Variants in GOLGA7B observed in about 807,000 individuals in gnomAD.
GOLGA7B encodes the protein golgin A7 family member B.
Under a neutral mutation model 21.5 loss-of-function variants are expected in GOLGA7B, and 17 were observed. The ratio of observed to expected loss-of-function variants is 0.79; its 90% CI spans 0.54 to 1.19. The LOEUF (loss-of-function observed/expected upper bound fraction) is 1.19, where lower values mean the gene tolerates loss of function less well. Ranked by LOEUF, GOLGA7B falls within the 50% of genes most tolerant of loss-of-function variation. The probability of loss-of-function intolerance (pLI) is 0.00; values close to 1 mark genes in which losing one functional copy is unlikely to be tolerated. For missense variants in GOLGA7B, 169 were observed against 224.4 expected, an observed-to-expected ratio of 0.75 and a Z score of 1.58; for synonymous variants, 87 against 84.0, an observed-to-expected ratio of 1.04 and a Z score of -0.19.
chr10:97,863,502 C>T (rs2049985248), intron 2 of GOLGA7B, among the ~76,000 whole-genome samples: 1 of 152,100 alleles, frequency 6.6e-6, no homozygotes, highest in Admixed American at 6.6e-5. Context: ...ATGGAGAGCC[C>T]CTATGAATCT....
rs1235984403 is a variant in GOLGA7B, at chr10:97,869,898, TCAC to T, written c.*4203_*4205del. The T allele has an allele frequency of 2.0e-5, 3 of 152,256 alleles. No homozygotes were observed. The highest frequency in any genetic ancestry group is 4.4e-5 in the Non-Finnish European group (3 of 68,092). The allele number at this position is 152,256 out of a possible 1,614,324, so 9.4% of individuals were successfully genotyped here. ...ATGAGGGGGGCCCAGACAGGAGGCA[TCAC>T]CACCTGGTTTGGGCTTTACCATTCA... On this transcript the variant is annotated 3_prime_UTR_variant, in exon 5 of 5. Transcript: ENST00000370602.
chr10:97,864,842 C>T (rs796712391), intron 4 of GOLGA7B, among the ~76,000 whole-genome samples: 18 of 152,230 alleles, frequency 1.2e-4, no homozygotes, highest in African/African-American at 3.9e-4. Flanking sequence ...GGGGGTGGGG[C>T]GTGGTTCTGC....
Position 97,869,114 on chromosome 10 carries a change from T to G in GOLGA7B, c.*3414T>G, listed in dbSNP as rs961896926. Reference sequence around the variant, plus strand: ...CAGCCTCAGAGGCCGCTTAACAGCTTGAGGGCCTCAGCCGTCCTGGGATTA... The same window carrying G: ...CAGCCTCAGAGGCCGCTTAACAGCTGGAGGGCCTCAGCCGTCCTGGGATTA... On this transcript the variant is annotated 3_prime_UTR_variant, in exon 5 of 5. Transcript: ENST00000370602. The G allele has an allele frequency of 1.3e-5, 2 of 152,214 alleles. No individual in the cohort carries two copies. Among genetic ancestry groups the G allele is most frequent in the Non-Finnish European group, 2.9e-5 (2 of 68,044 alleles). 9.4% of individuals were successfully genotyped at this position (152,214 alleles called of 1,614,324 possible). A position where few individuals can be genotyped will look rare whatever the true frequency, so the allele number is the denominator to read the frequency against.
At chr10:97,853,233 ACTC>A (rs1398156453) in intron 1 of GOLGA7B, among the ~76,000 whole-genome samples, 1 of 151,690 alleles carries the variant, frequency 6.6e-6, no homozygotes, top group African/African-American at 2.4e-5. Context: ...CATGATCCTC[ACTC>A]CTCCTTCACA....
At chr10:97,859,687 G>T (rs1408647062) in intron 2 of GOLGA7B, 104 bp downstream of exon 2, 1 of 1,219,778 alleles carries the variant, frequency 8.2e-7, no homozygotes, top group Non-Finnish European at 1.1e-6. Context: ...AATATCATAG[G>T]ACACGTAACA....
intron 4 of GOLGA7B, chr10:97,865,144 A>T (rs1282024545): frequency 1.2e-4 from 20 of 165,756 alleles, no homozygotes; most frequent in African/African-American, 4.3e-4. Context: ...CATTTTGCAG[A>T]TGCGATAATG....
intron 1 of GOLGA7B, 69 bp downstream of exon 1, chr10:97,850,384 T>C: frequency 8.3e-7 from 1 of 1,211,594 alleles, no homozygotes; most frequent in Non-Finnish European, 1.1e-6. Flanking sequence ...AGGGGTGGGC[T>C]GGGCAGGAGT....
At position 97,865,805 on chromosome 10, in the gene GOLGA7B, T is replaced by A; in HGVS notation, c.*105T>A. On this transcript the variant is annotated 3_prime_UTR_variant, in exon 5 of 5. Coordinates refer to ENST00000370602, the MANE Select transcript of GOLGA7B (RefSeq NM_001010917.3). The stretch of plus-strand genomic sequence containing the variant: ...CCCGCTTCTGAGTCATTCTTTGGGC[T>A]CACCCTGCTGCCCGGGGTGGGAGGG... The A allele has an allele frequency of 6.9e-5, 33 of 477,344 alleles. No homozygotes were observed. Among genetic ancestry groups the A allele is most frequent in the Non-Finnish European group, 1.0e-4 (28 of 277,824 alleles). 29.6% of individuals were successfully genotyped at this position (477,344 alleles called of 1,614,324 possible).
At position 97,865,867 on chromosome 10, in the gene GOLGA7B, C is replaced by T; in HGVS notation, c.*167C>T. The T allele has an allele frequency of 1.7e-6, 2 of 1,149,388 alleles. No homozygotes were observed. Among genetic ancestry groups the T allele is most frequent in the Non-Finnish European group, 1.2e-6 (1 of 841,406 alleles). 71.2% of individuals were successfully genotyped at this position (1,149,388 alleles called of 1,614,324 possible). A position where few individuals can be genotyped will look rare whatever the true frequency, so the allele number is the denominator to read the frequency against. ...CCTCATATTTCCTGTGGGCCATCAA[C>T]CTATGCCCCCTGTCCCTCACCCCCG... On this transcript the variant is annotated 3_prime_UTR_variant, in exon 5 of 5. Coordinates refer to ENST00000370602, the MANE Select transcript of GOLGA7B (RefSeq NM_001010917.3).
intron 4 of GOLGA7B, 49 bp from the exon 5 acceptor site, chr10:97,865,541 C>T (rs768831216): frequency 1.2e-6 from 2 of 1,603,496 alleles, no homozygotes; most frequent in Non-Finnish European, 8.5e-7. Context: ...TCATGTCCCA[C>T]CCCTGCTCAG....
intron 1 of GOLGA7B, among the ~76,000 whole-genome samples, chr10:97,855,922 T>G (rs2049932381): frequency 6.6e-6 from 1 of 152,210 alleles, no homozygotes; most frequent in Admixed American, 6.5e-5. Flanking sequence ...TCACATTTCG[T>G]ACATACAGCA....
rs1407871479 is a variant in GOLGA7B, at chr10:97,867,594, C to T, written c.*1894C>T. ...AGCCGCAGTTCAGTGGGCTCCACCG[C>T]AGCCCCTGGCCACGGCCTATGCCCT... On this transcript the variant is annotated 3_prime_UTR_variant, in exon 5 of 5. Transcript: ENST00000370602. The T allele has an allele frequency of 3.3e-5, 5 of 152,440 alleles. No individual in the cohort carries two copies. The East Asian group carries it at 7.7e-4, about 23-fold the overall frequency. 9.4% of individuals were successfully genotyped at this position (152,440 alleles called of 1,614,324 possible).
intron 1 of GOLGA7B, among the ~76,000 whole-genome samples, chr10:97,854,287 G>C (rs1188810082): frequency 6.6e-6 from 1 of 152,228 alleles, no homozygotes; most frequent in Non-Finnish European, 1.5e-5. Flanking sequence ...TCCAGTTGAA[G>C]AAATGGAGGT....
At chr10:97,858,190 G>A (rs56016245) in intron 1 of GOLGA7B, among the ~76,000 whole-genome samples, 217 of 152,238 alleles carry the variant, frequency 1.4e-3, no homozygotes, top group African/African-American at 5.0e-3. Context: ...CTCAACACAG[G>A]CTTCAGGAGG....
intron 1 of GOLGA7B, among the ~76,000 whole-genome samples, chr10:97,854,188 A>G (rs1389068941): frequency 1.3e-5 from 2 of 152,208 alleles, no homozygotes; most frequent in Non-Finnish European, 2.9e-5. Flanking sequence ...AGCCCCTGTA[A>G]ACATTTGCAT....
chr10:97,851,408 A>G (rs1241460528), intron 1 of GOLGA7B, among the ~76,000 whole-genome samples: 1 of 152,088 alleles, frequency 6.6e-6, no homozygotes, highest in East Asian at 1.9e-4. Context: ...TCAAGTTTCC[A>G]CCACAGAACA....
At chr10:97,855,133 G>T (rs1377076209) in intron 1 of GOLGA7B, among the ~76,000 whole-genome samples, 1 of 152,180 alleles carries the variant, frequency 6.6e-6, no homozygotes, top group Non-Finnish European at 1.5e-5. Context: ...CTAGCCAGTC[G>T]CTAGAGACAC....
At chr10:97,865,394 G>C (rs1048527653) in intron 4 of GOLGA7B, 196 bp from the exon 5 acceptor site, 6 of 902,732 alleles carry the variant, frequency 6.6e-6, no homozygotes, top group Admixed American at 3.0e-5. Flanking sequence ...GGCCTTACGA[G>C]TCTCCCTAAT....
intron 2 of GOLGA7B, among the ~76,000 whole-genome samples, chr10:97,861,649 T>C (rs1437130542): frequency 6.6e-6 from 1 of 152,238 alleles, no homozygotes; most frequent in Non-Finnish European, 1.5e-5. Context: ...GGCCTGGGAC[T>C]GGGGAAGCCA....
Sources: allele counts gnomAD v4.1 joint callset (sites outside exome capture counted in the v4.1 genomes callset), GRCh38; gene constraint gnomAD v4.1.1; transcripts MANE v1.5; gene names NCBI Gene and HGNC (gene_info 2026-07-23, HGNC 2026-07-21).